WDR7: variants seen among roughly 807,000 people sequenced by gnomAD.
The protein encoded by WDR7 is WD repeat-containing protein 7.
A neutral mutation model predicts 169.4 loss-of-function variants in WDR7; 46 were observed. The ratio of observed to expected loss-of-function variants is 0.27; its 90% CI spans 0.21 to 0.35. The LOEUF (loss-of-function observed/expected upper bound fraction) is 0.35, where lower values mean the gene tolerates loss of function less well. Among genes scored for constraint, WDR7 ranks in the 10% least tolerant of loss-of-function variants. WDR7 has a pLI of 1.00. For missense variants in WDR7, 1,534 were observed against 1,859.3 expected (o/e 0.83, Z 3.22); for synonymous variants, 612 against 666.8 (o/e 0.92, Z 1.27).
chr18:56,794,851 T>G (rs995079887), intron 19 of WDR7, among the ~76,000 whole-genome samples: 1 of 152,222 alleles, frequency 6.6e-6, no homozygotes, highest in Non-Finnish European at 1.5e-5. Context: ...CATCTACTTG[T>G]CTTTAGCTCT....
chr18:56,814,859 G>A (rs1568210920), intron 19 of WDR7, among the ~76,000 whole-genome samples: 1 of 151,836 alleles, frequency 6.6e-6, no homozygotes, highest in African/African-American at 2.4e-5. Context: ...ATTCATCAGG[G>A]ATCATTCTTT....
chr18:56,854,423 G>A (rs1036540871), intron 20 of WDR7, among the ~76,000 whole-genome samples: 2 of 152,208 alleles, frequency 1.3e-5, no homozygotes, highest in Admixed American at 6.5e-5. Context: ...GGGACATGGA[G>A]CCTCCATGCC....
intron 26 of WDR7, among the ~76,000 whole-genome samples, chr18:56,991,143 A>ATTTTTTTTTTT (rs60092817): frequency 9.0e-5 from 10 of 110,714 alleles, no homozygotes; most frequent in African/African-American, 1.9e-4. Flanking sequence ...CCTTCTCCTC[A>ATTTTTTTTTTT]TTTTTTTTTT....
chr18:56,800,053 G>C (rs1162869457), intron 19 of WDR7, among the ~76,000 whole-genome samples: 1 of 151,916 alleles, frequency 6.6e-6, no homozygotes, highest in Middle Eastern at 3.4e-3. Flanking sequence ...TTGTGGGACG[G>C]GGTTAAAAAT....
At chr18:57,031,894 A>G (rs1324287039), downstream of WDR7, 2 of 152,246 alleles carry the variant, frequency 1.3e-5, no homozygotes. Context: ...TTTAGGAGAC[A>G]GGAGTCCTAA....
intron 21 of WDR7, among the ~76,000 whole-genome samples, chr18:56,907,892 A>G (rs981038943): frequency 2.6e-5 from 4 of 152,082 alleles, no homozygotes; most frequent in Non-Finnish European, 5.9e-5. Context: ...TCAACATATG[A>G]TTTTGGGAGG....
intron 20 of WDR7, among the ~76,000 whole-genome samples, chr18:56,864,512 A>G (rs1183515288): frequency 2.0e-5 from 3 of 151,822 alleles, no homozygotes; most frequent in African/African-American, 4.8e-5. Context: ...GTATAATAGC[A>G]TACAAAAATT....
At chr18:56,683,556 T>C (rs1272235702) in intron 5 of WDR7, among the ~76,000 whole-genome samples, 1 of 152,166 alleles carries the variant, frequency 6.6e-6, no homozygotes, top group Non-Finnish European at 1.5e-5. Context: ...AGCAGCACCA[T>C]CACCATGAGG....
At chr18:56,857,850 TAG>T (rs1157983723) in intron 20 of WDR7, among the ~76,000 whole-genome samples, 2 of 152,268 alleles carry the variant, frequency 1.3e-5, no homozygotes, top group East Asian at 3.9e-4. Context: ...AAACGCTGTG[TAG>T]AGGTTTGTCA....
intron 26 of WDR7, among the ~76,000 whole-genome samples, chr18:57,015,973 T>C (rs1409703556): frequency 2.6e-5 from 4 of 152,236 alleles, no homozygotes; most frequent in African/African-American, 7.2e-5. Context: ...GCCATGCTTG[T>C]ACCTTATGAA....
chr18:56,919,642 GTTA>G (rs1486362554), intron 21 of WDR7, among the ~76,000 whole-genome samples: 1 of 152,130 alleles, frequency 6.6e-6, no homozygotes, highest in Non-Finnish European at 1.5e-5. Flanking sequence ...TTGTGTACTA[GTTA>G]TTACACATTG....
chr18:56,801,849 C>T (rs1234937172), intron 19 of WDR7, among the ~76,000 whole-genome samples: 1 of 152,094 alleles, frequency 6.6e-6, no homozygotes, highest in East Asian at 1.9e-4. Flanking sequence ...ATCCATTCAC[C>T]TGTTTAGGGA....
chr18:57,029,469 C>G lies in WDR7; in HGVS notation c.*2262C>G, dbSNP rs2048416783. The stretch of plus-strand genomic sequence containing the variant: ...ATAGCCACAGTCCCAAACTTCATCC[C>G]AGCTTAGATTTCTCAGCACTGAGGT... On this transcript the variant is annotated 3_prime_UTR_variant, in exon 28 of 28. Coordinates refer to ENST00000254442, the MANE Select transcript of WDR7 (RefSeq NM_015285.3). The G allele has an allele frequency of 6.6e-6, 1 of 152,196 alleles. No individual in the cohort carries two copies. Among genetic ancestry groups the G allele is most frequent in the South Asian group, 2.1e-4 (1 of 4,826 alleles). The allele number at this position is 152,196 out of a possible 1,614,324, so 9.4% of individuals were successfully genotyped here. A position where few individuals can be genotyped will look rare whatever the true frequency, so the allele number is the denominator to read the frequency against.
intron 21 of WDR7, among the ~76,000 whole-genome samples, chr18:56,893,921 A>G (rs538067803): frequency 1.3e-5 from 2 of 152,202 alleles, no homozygotes; most frequent in African/African-American, 2.4e-5. Flanking sequence ...TAGATGTTAT[A>G]TAGCCTTCAA....
chr18:56,674,477 T>G (rs1465233576), intron 2 of WDR7, among the ~76,000 whole-genome samples: 4 of 152,170 alleles, frequency 2.6e-5, no homozygotes, highest in East Asian at 1.9e-4. Context: ...TTAAAAAAAT[T>G]TTTAACTTAA....
downstream of WDR7, chr18:57,030,613 T>G (rs1008395131): frequency 5.3e-5 from 8 of 152,190 alleles, no homozygotes; most frequent in Non-Finnish European, 1.2e-4. Flanking sequence ...TTCGGCTGAC[T>G]GACAGAGCCC....
At chr18:56,670,154 G>T (rs1277765925) in intron 1 of WDR7, among the ~76,000 whole-genome samples, 1 of 152,024 alleles carries the variant, frequency 6.6e-6, no homozygotes, top group Non-Finnish European at 1.5e-5. Flanking sequence ...AGGTTTATGT[G>T]GTTGCCAATT....
chr18:56,984,922 G>A (rs761018077), intron 26 of WDR7, among the ~76,000 whole-genome samples: 2 of 152,136 alleles, frequency 1.3e-5, no homozygotes, highest in Non-Finnish European at 2.9e-5. Context: ...GTGCAGTGCC[G>A]AGAGAACCTC....
chr18:56,671,192 C>T (rs2144515215), intron 1 of WDR7, among the ~76,000 whole-genome samples: 1 of 152,074 alleles, frequency 6.6e-6, no homozygotes, highest in East Asian at 1.9e-4. Context: ...TTCTTTTCTT[C>T]CCTCAATGTT....
Sources: gnomAD v4.1 joint callset for allele counts (sites outside exome capture counted in the v4.1 genomes callset) on GRCh38, gnomAD v4.1.1 for gene constraint, MANE v1.5 for transcripts, NCBI Gene and HGNC (gene_info 2026-07-23, HGNC 2026-07-21) for gene names.